HTR1F: variants seen among roughly 807,000 people sequenced by gnomAD.
HTR1F encodes the protein 5-hydroxytryptamine (serotonin) receptor 1F, G protein-coupled.
In HTR1F, 17 loss-of-function variants were observed where a neutral mutation model predicts 24.0. That is an observed-to-expected ratio of 0.71 (90% CI 0.48 to 1.06). The LOEUF (loss-of-function observed/expected upper bound fraction) is 1.06, where lower values mean the gene tolerates loss of function less well. HTR1F is among the 50% of genes least tolerant of loss of function. HTR1F has a pLI of 0.00. For synonymous variants in HTR1F, 186 were observed against 156.8 expected (o/e 1.19, Z -1.39); for missense variants, 391 against 427.8 (o/e 0.91, Z 0.76).
intron 1 of HTR1F, among the ~76,000 whole-genome samples, chr3:87,796,343 G>A (rs1703905642): frequency 6.6e-6 from 1 of 151,976 alleles, no homozygotes. Context: ...CAAAGGAACA[G>A]TTACATTTTG....
chr3:87,808,097 G>C (rs1291870468), intron 1 of HTR1F, among the ~76,000 whole-genome samples: 1 of 151,626 alleles, frequency 6.6e-6, no homozygotes, highest in African/African-American at 2.4e-5. Context: ...TTGTGCCCTT[G>C]TCTGGTTTTG....
At chr3:87,939,299 G>A (rs150470207) in intron 2 of HTR1F, among the ~76,000 whole-genome samples, 201 of 152,206 alleles carry the variant, frequency 1.3e-3, no homozygotes, top group Non-Finnish European at 2.4e-3. Context: ...GGATTTTCGC[G>A]TTGATGTTCA....
At chr3:87,892,179 A>T (rs1307161593) in intron 2 of HTR1F, among the ~76,000 whole-genome samples, 1 of 152,164 alleles carries the variant, frequency 6.6e-6, no homozygotes, top group Non-Finnish European at 1.5e-5. Flanking sequence ...ATTTTATTTA[A>T]TTTAGATAAT....
At chr3:87,815,625 C>A (rs1249655348) in intron 1 of HTR1F, among the ~76,000 whole-genome samples, 1 of 152,008 alleles carries the variant, frequency 6.6e-6, no homozygotes, top group African/African-American at 2.4e-5. Context: ...ATTTATCATT[C>A]AAGAAACATT....
intron 2 of HTR1F, among the ~76,000 whole-genome samples, chr3:87,856,403 C>G (rs925811657): frequency 1.3e-5 from 2 of 151,998 alleles, no homozygotes; most frequent in African/African-American, 4.8e-5. Context: ...CTGCACTTTA[C>G]ACTCAATTTT....
At chr3:87,832,887 A>G (rs1190976774) in intron 2 of HTR1F, among the ~76,000 whole-genome samples, 1 of 152,224 alleles carries the variant, frequency 6.6e-6, no homozygotes, top group Non-Finnish European at 1.5e-5. Context: ...GTAGATAGAT[A>G]GAGAAAATAT....
chr3:87,929,202 C>G (rs143868043), intron 2 of HTR1F, among the ~76,000 whole-genome samples: 1 of 152,136 alleles, frequency 6.6e-6, no homozygotes, highest in Admixed American at 6.6e-5. Context: ...AAGTAACCAA[C>G]AGCCAAGAAC....
intron 2 of HTR1F, among the ~76,000 whole-genome samples, chr3:87,920,594 C>A (rs1315133234): frequency 6.6e-6 from 1 of 151,838 alleles, no homozygotes; most frequent in East Asian, 1.9e-4. Context: ...TGGAAAGGAA[C>A]ATAAAAGGTG....
chr3:87,918,209 AGG>A (rs1429051095), intron 2 of HTR1F, among the ~76,000 whole-genome samples: 2 of 152,016 alleles, frequency 1.3e-5, no homozygotes, highest in African/African-American at 4.8e-5. Context: ...TTGACATACA[AGG>A]GACATACGTC....
intron 2 of HTR1F, among the ~76,000 whole-genome samples, chr3:87,930,465 C>A (rs1309507991): frequency 6.6e-6 from 1 of 152,098 alleles, no homozygotes; most frequent in Non-Finnish European, 1.5e-5. Context: ...TCCTGCAATA[C>A]CCAGTCTATT....
intron 2 of HTR1F, among the ~76,000 whole-genome samples, chr3:87,825,446 T>C (rs990475540): frequency 6.6e-6 from 1 of 152,214 alleles, no homozygotes; most frequent in African/African-American, 2.4e-5. Flanking sequence ...ATGTCATATT[T>C]ACCTGGTGCT....
chr3:87,811,812 C>T (rs1407121513), intron 1 of HTR1F, among the ~76,000 whole-genome samples: 5 of 152,102 alleles, frequency 3.3e-5, no homozygotes, highest in Non-Finnish European at 5.9e-5. Context: ...GGCTCTGTTG[C>T]CCTACTCAAA....
intron 2 of HTR1F, among the ~76,000 whole-genome samples, chr3:87,936,142 ACCTAG>A (rs1371627127): frequency 1.3e-5 from 2 of 152,116 alleles, no homozygotes; most frequent in Non-Finnish European, 2.9e-5. Flanking sequence ...GAGCCACTGC[ACCTAG>A]CCTATTTTTA....
chr3:87,858,439 A>C (rs1386099380), intron 2 of HTR1F, among the ~76,000 whole-genome samples: 3 of 152,174 alleles, frequency 2.0e-5, no homozygotes, highest in Admixed American at 1.3e-4. Context: ...TTGTCTGTCA[A>C]CGTGGCATGC....
chr3:87,970,999 C>T (rs1438968179), intron 2 of HTR1F, among the ~76,000 whole-genome samples: 3 of 152,192 alleles, frequency 2.0e-5, no homozygotes, highest in Admixed American at 2.0e-4. Flanking sequence ...GTTCCTCTTA[C>T]CTTCATGATC....
At chr3:87,869,056 AATAAG>A (rs1264862136) in intron 2 of HTR1F, among the ~76,000 whole-genome samples, 1 of 152,068 alleles carries the variant, frequency 6.6e-6, no homozygotes, top group Non-Finnish European at 1.5e-5. Context: ...TATAAATAAT[AATAAG>A]ATAACAAGGA....
At chr3:87,829,251 T>G (rs573528197) in intron 2 of HTR1F, among the ~76,000 whole-genome samples, 7 of 152,308 alleles carry the variant, frequency 4.6e-5, no homozygotes, top group Admixed American at 2.0e-4. Context: ...TCTGATATTG[T>G]TGGGTGGCTT....
At chr3:87,873,236 T>C (rs757314074) in intron 2 of HTR1F, among the ~76,000 whole-genome samples, 2 of 151,758 alleles carry the variant, frequency 1.3e-5, no homozygotes, top group Non-Finnish European at 2.9e-5. Context: ...GAAACGCCAG[T>C]AGTATAATTT....
intron 2 of HTR1F, among the ~76,000 whole-genome samples, chr3:87,835,100 G>A (rs1410091488): frequency 1.3e-5 from 2 of 152,226 alleles, no homozygotes; most frequent in South Asian, 4.1e-4. Context: ...ACTTTTCTAA[G>A]CCTAGAAAAT....
Sources: allele counts gnomAD v4.1 joint callset (sites outside exome capture counted in the v4.1 genomes callset), GRCh38; gene constraint gnomAD v4.1.1; transcripts MANE v1.5; gene names NCBI Gene and HGNC (gene_info 2026-07-23, HGNC 2026-07-21).